Variants in EXT1 observed in about 807,000 individuals in gnomAD.
EXT1 encodes the protein exostosin-1.
EXT1 carries 20 observed loss-of-function variants against 82.5 expected under a neutral mutation model. That is an observed-to-expected ratio of 0.24 (90% CI 0.17 to 0.35). The LOEUF is 0.35. EXT1 is among the 10% of genes least tolerant of loss of function. The pLI is 1.00. For synonymous variants in EXT1, 348 were observed against 350.8 expected, an observed-to-expected ratio of 0.99 and a Z score of 0.09; for missense variants, 757 against 936.5, an observed-to-expected ratio of 0.81 and a Z score of 2.50.
intron 1 of EXT1, among the ~76,000 whole-genome samples, chr8:117,892,513 C>T (rs1813262470): frequency 6.6e-6 from 1 of 152,130 alleles, no homozygotes; most frequent in African/African-American, 2.4e-5. Flanking sequence ...AACTACAGAA[C>T]CCTGTATGTC....
chr8:117,914,288 T>G (rs1563599528), intron 1 of EXT1, among the ~76,000 whole-genome samples: 1 of 152,248 alleles, frequency 6.6e-6, no homozygotes. Context: ...TTTAATCTCT[T>G]AATCCTGTTA....
rs17453330 is a variant in EXT1 at position 117,946,143 on chromosome 8, C to T, written c.963-108942G>A. ...CGAACTTCTGACCTCAGGTAATCTG[C>T]CCGCCTCGGCATTCCAAAGTGCTGG... is the stretch of plus-strand genomic sequence containing the variant. On this transcript the variant is annotated intron_variant, in intron 1 of 10. Coordinates refer to ENST00000378204, the MANE Select transcript of EXT1 (RefSeq NM_000127.3). Among the ~76,000 whole-genome samples, 432 of 152,298 alleles carry T rather than the reference C, an allele frequency of 2.8e-3. 1 individual carries two copies. Among genetic ancestry groups the T allele is most frequent in the Non-Finnish European group, 5.1e-3 (349 of 68,028 alleles).
intron 1 of EXT1, among the ~76,000 whole-genome samples, chr8:117,999,918 C>A (rs1815623955): frequency 6.6e-6 from 1 of 151,880 alleles, no homozygotes; most frequent in Non-Finnish European, 1.5e-5. Context: ...AGATTTTTCA[C>A]TACTTATTTC....
In EXT1 at chr8:118,111,189, C is replaced by T; in HGVS notation, c.-143G>A. 1 of 1,219,912 alleles carries T rather than the reference C, an allele frequency of 8.2e-7. No individual in the cohort carries two copies. Among genetic ancestry groups the T allele is most frequent in the Non-Finnish European group, 1.2e-6 (1 of 861,176 alleles). The allele number at this position is 1,219,912 out of a possible 1,614,324, so 75.6% of individuals were successfully genotyped here. A position where few individuals can be genotyped will look rare whatever the true frequency, so the allele number is the denominator to read the frequency against. Reference sequence around the variant, plus strand: ...CTCCCACCTTCTCTGGATGCCTTTCCCCAAGCCGTGGACTGATCCAGCGCA... The same window carrying T: ...CTCCCACCTTCTCTGGATGCCTTTCTCCAAGCCGTGGACTGATCCAGCGCA... On this transcript the variant is annotated 5_prime_UTR_variant, in exon 1 of 11. Transcript: ENST00000378204.
chr8:117,975,236 G>A (rs1259776872), intron 1 of EXT1, among the ~76,000 whole-genome samples: 2 of 152,126 alleles, frequency 1.3e-5, no homozygotes, highest in East Asian at 3.8e-4. Context: ...GCGTCCAGCT[G>A]GGAAATACCA....
intron 1 of EXT1, among the ~76,000 whole-genome samples, chr8:117,955,027 C>T (rs895966443): frequency 1.3e-5 from 2 of 152,144 alleles, no homozygotes; most frequent in African/African-American, 4.8e-5. Context: ...CAAGTTCAAT[C>T]GTTTGCTAGA....
At chr8:118,007,726 G>T (rs1356624539) in intron 1 of EXT1, among the ~76,000 whole-genome samples, 2 of 152,230 alleles carry the variant, frequency 1.3e-5, no homozygotes, top group Non-Finnish European at 2.9e-5. Context: ...CCAGATGAGA[G>T]AAATCTTGTT....
In EXT1 at chr8:117,862,062, A is replaced by G. The variant is rs550875594; in HGVS notation, c.963-24861T>C. Among the ~76,000 whole-genome samples, 17 of 146,242 alleles carry G rather than the reference A, an allele frequency of 1.2e-4. 3 individuals carry two copies. The South Asian group carries it at 1.3e-3, about 11-fold the overall frequency. On this transcript the variant is annotated intron_variant, in intron 1 of 10. Transcript: ENST00000378204. ...GTACGACACTGATGAAAATTTAGAC[A>G]CTAGAGATGCTCAATCATGCGCTCT... is the stretch of plus-strand genomic sequence containing the variant.
chr8:118,032,139 G>A (rs1816336231), intron 1 of EXT1, among the ~76,000 whole-genome samples: 1 of 141,144 alleles, frequency 7.1e-6, no homozygotes, highest in African/African-American at 2.5e-5. Flanking sequence ...GGCCAAAACC[G>A]CGATGACTTT....
chr8:118,017,041 G>T (rs1367599525), intron 1 of EXT1, among the ~76,000 whole-genome samples: 1 of 152,204 alleles, frequency 6.6e-6, no homozygotes, highest in Non-Finnish European at 1.5e-5. Flanking sequence ...ATGAAAGAAG[G>T]AAGGAATATG....
intron 1 of EXT1, among the ~76,000 whole-genome samples, chr8:117,940,013 CCT>C (rs1814242239): frequency 6.6e-6 from 1 of 152,172 alleles, no homozygotes; most frequent in African/African-American, 2.4e-5. Flanking sequence ...TTTTCCATCC[CCT>C]GACATGATTC....
At chr8:117,856,885 T>C (rs1301787296) in intron 1 of EXT1, among the ~76,000 whole-genome samples, 2 of 152,158 alleles carry the variant, frequency 1.3e-5, no homozygotes, top group Non-Finnish European at 2.9e-5. Context: ...ACAGGCTGAC[T>C]CTCTTTTAAG....
intron 1 of EXT1, among the ~76,000 whole-genome samples, chr8:117,978,795 C>G (rs930754840): frequency 1.3e-5 from 2 of 152,150 alleles, no homozygotes; most frequent in Non-Finnish European, 2.9e-5. Context: ...CAGAATAGTC[C>G]AGAAATAAAG....
At chr8:117,860,587 G>A (rs183425984) in intron 1 of EXT1, among the ~76,000 whole-genome samples, 26 of 152,264 alleles carry the variant, frequency 1.7e-4, no homozygotes, top group African/African-American at 4.6e-4. Context: ...GACTATCTGC[G>A]GTTGCAAATT....
At chr8:118,067,153 T>G (rs1485124456) in intron 1 of EXT1, among the ~76,000 whole-genome samples, 1 of 152,356 alleles carries the variant, frequency 6.6e-6, no homozygotes, top group Non-Finnish European at 1.5e-5. Context: ...GAAATGACAC[T>G]GGGAGACTCT....
intron 1 of EXT1, among the ~76,000 whole-genome samples, chr8:117,930,897 T>C (rs543542512): frequency 1.8e-4 from 27 of 152,352 alleles, no homozygotes; most frequent in African/African-American, 6.3e-4. Context: ...AGGTGACCTC[T>C]AGTCATCCTC....
chr8:118,095,535 G>A (rs939180448), intron 1 of EXT1, among the ~76,000 whole-genome samples: 2 of 152,216 alleles, frequency 1.3e-5, no homozygotes, highest in African/African-American at 2.4e-5. Context: ...CAATGCAGGT[G>A]TGAATTTTAA....
intron 1 of EXT1, among the ~76,000 whole-genome samples, chr8:118,004,608 T>A (rs1298156956): frequency 6.6e-6 from 1 of 152,178 alleles, no homozygotes; most frequent in African/African-American, 2.4e-5. Context: ...TATCACCTTT[T>A]CCACCACTTG....
Position 117,797,167 on chromosome 8 carries a change from A to G in EXT1, c.*2545T>C, listed in dbSNP as rs1226272478. 6.6e-6 allele frequency: 1 copy of G among 152,238 alleles called. No individual in the cohort carries two copies. The highest frequency in any genetic ancestry group is 1.5e-5 in the Non-Finnish European group (1 of 68,046). The allele number at this position is 152,238 out of a possible 1,614,324, so 9.4% of individuals were successfully genotyped here. ...ATGCAATACAACTCTTTCCTAACTG[A>G]ATTAAAATTACATATTACTGTCGAG... On this transcript the variant is annotated 3_prime_UTR_variant, in exon 11 of 11. Transcript: ENST00000378204.
Sources: gnomAD v4.1 joint callset for allele counts (sites outside exome capture counted in the v4.1 genomes callset) on GRCh38, gnomAD v4.1.1 for gene constraint, MANE v1.5 for transcripts, NCBI Gene and HGNC (gene_info 2026-07-23, HGNC 2026-07-21) for gene names.